Variants in SLC6A16 observed in about 807,000 individuals in gnomAD.
The protein encoded by SLC6A16 is orphan sodium- and chloride-dependent neurotransmitter transporter NTT5.
A neutral mutation model predicts 65.4 loss-of-function variants in SLC6A16; 54 were observed. That is an observed-to-expected ratio of 0.83 (90% CI 0.66 to 1.04). The LOEUF (loss-of-function observed/expected upper bound fraction) is 1.04, where lower values mean the gene tolerates loss of function less well. Among genes scored for constraint, SLC6A16 ranks in the 50% least tolerant of loss-of-function variants. The pLI is 0.00. For synonymous variants in SLC6A16, 330 were observed against 346.5 expected, an observed-to-expected ratio of 0.95 and a Z score of 0.53; for missense variants, 816 against 914.0, an observed-to-expected ratio of 0.89 and a Z score of 1.38.
the SLC6A16 span, chr19:49,337,103 G>T: frequency 6.2e-7 from 1 of 1,613,924 alleles, no homozygotes; most frequent in African/African-American, 1.3e-5. Flanking sequence ...CCTGGGCCGG[G>T]GTTGCAGGGG....
At chr19:49,339,520 C>T in the SLC6A16 span, 1 of 1,477,330 alleles carries the variant, frequency 6.8e-7, no homozygotes, top group South Asian at 1.2e-5. The surrounding 1 kb of genome is among the most constrained non-coding windows in gnomAD (Gnocchi z 4.5). Context: ...CAGGGCGGAG[C>T]GCAGCCCACC....
intron 7 of SLC6A16, among the ~76,000 whole-genome samples, chr19:49,300,610 A>C (rs1970270510): frequency 6.6e-6 from 1 of 152,200 alleles, no homozygotes; most frequent in Admixed American, 6.5e-5. Context: ...AGGCAAGAAA[A>C]GAGAAAAAAC....
chr19:49,337,124 G>T, the SLC6A16 span: 30 of 1,614,008 alleles, frequency 1.9e-5, no homozygotes, highest in African/African-American at 3.9e-4. Context: ...TGGTCAGCCT[G>T]ATCTCTCCAC....
At chr19:49,335,773 C>T in the SLC6A16 span, 4 of 1,585,758 alleles carry the variant, frequency 2.5e-6, no homozygotes, top group South Asian at 1.1e-5. This position sits in a 1 kb window ranked among gnomAD's most constrained non-coding sequence, Gnocchi z 4.6. Context: ...AGACCAGCTT[C>T]GTGTCCTTTG....
intron 8 of SLC6A16, 50 bp from the exon 9 acceptor site, chr19:49,294,078 CA>C (rs771904373): frequency 6.1e-6 from 9 of 1,469,972 alleles, no homozygotes; most frequent in Non-Finnish European, 7.5e-6. Context: ...TAAACAATAA[CA>C]AAAAAATATA....
chr19:49,323,500 G>A (rs1033754862), intron 1 of SLC6A16, among the ~76,000 whole-genome samples: 1 of 152,002 alleles, frequency 6.6e-6, no homozygotes, highest in African/African-American at 2.4e-5. Flanking sequence ...TAGAGAACTC[G>A]TAAAACTCAA....
chr19:49,306,835 C>T (rs1225371887), intron 7 of SLC6A16, among the ~76,000 whole-genome samples: 4 of 152,064 alleles, frequency 2.6e-5, no homozygotes, highest in Middle Eastern at 3.2e-3. Context: ...AGCCACCGCA[C>T]CCGGCTTGTT....
intron 1 of SLC6A16, among the ~76,000 whole-genome samples, chr19:49,312,893 T>A (rs1970547734): frequency 6.6e-6 from 1 of 151,936 alleles, no homozygotes; most frequent in Non-Finnish European, 1.5e-5. Flanking sequence ...AAAAATGCAA[T>A]GAAAGGCTGA....
the SLC6A16 span, chr19:49,338,195 C>G: frequency 7.0e-7 from 1 of 1,435,516 alleles, no homozygotes; most frequent in South Asian, 1.5e-5. This position sits in a 1 kb window ranked among gnomAD's most constrained non-coding sequence, Gnocchi z 5.0. Context: ...CAACTGTCCC[C>G]GGCGTCGCCT....
chr19:49,339,392 C>T, the SLC6A16 span: 3 of 1,613,980 alleles, frequency 1.9e-6, no homozygotes, highest in Non-Finnish European at 8.5e-7. The surrounding 1 kb of genome is among the most constrained non-coding windows in gnomAD (Gnocchi z 4.5). Flanking sequence ...TGGGCATTTG[C>T]CTGGGCGTCG....
At chr19:49,337,114 T>C in the SLC6A16 span, 1 of 1,613,814 alleles carries the variant, frequency 6.2e-7, no homozygotes, top group Non-Finnish European at 8.5e-7. Flanking sequence ...GTTGCAGGGG[T>C]GGTCAGCCTG....
chr19:49,309,475 G>T, intron 5 of SLC6A16, 64 bp from the exon 6 acceptor site: 1 of 1,384,910 alleles, frequency 7.2e-7, no homozygotes, highest in Non-Finnish European at 1.0e-6. Context: ...CAGTTAGGAG[G>T]GATCAAAAGT....
intron 7 of SLC6A16, 71 bp downstream of exon 7, chr19:49,308,805 C>T (rs1600634478): frequency 1.9e-6 from 3 of 1,590,902 alleles, no homozygotes; most frequent in Non-Finnish European, 2.6e-6. Context: ...TTTGCAGCAC[C>T]TTTAAGGTTA....
intron 1 of SLC6A16, among the ~76,000 whole-genome samples, chr19:49,311,948 CTTTT>C (rs576514117): frequency 4.2e-5 from 6 of 142,710 alleles, no homozygotes; most frequent in African/African-American, 1.5e-4. Flanking sequence ...CAAAGGATTT[CTTTT>C]TTTTTTTTCC....
At chr19:49,330,979 A>C in the SLC6A16 span, among the ~76,000 whole-genome samples, 1 of 151,596 alleles carries the variant, frequency 6.6e-6, no homozygotes, top group Non-Finnish European at 1.5e-5. Flanking sequence ...GCCCGCCCCC[A>C]GAGTTTCTGA....
At chr19:49,333,599 G>A in the SLC6A16 span, among the ~76,000 whole-genome samples, 1 of 152,196 alleles carries the variant, frequency 6.6e-6, no homozygotes, top group Non-Finnish European at 1.5e-5. Context: ...ACAGACTGGA[G>A]GGAGAAACTA....
rs1970106471 is a variant in SLC6A16, at chr19:49,292,992, T to C, written c.1778+231A>G. 6.6e-6 allele frequency among the ~76,000 whole-genome samples: 1 copy of C among 152,196 alleles called. No homozygotes were observed. The highest frequency in any genetic ancestry group is 6.5e-5 in the Admixed American group (1 of 15,276). On this transcript the variant is annotated intron_variant, in intron 10 of 11. Coordinates refer to ENST00000335875, the MANE Select transcript of SLC6A16 (RefSeq NM_014037.3). The surrounding 1 kb of genome is among the most constrained non-coding windows in gnomAD (Gnocchi z 4.3). ...AATGTAAGCTTTCTGAGAATAGGAA[T>C]ACTTCTTTTATTCAATGCCCCTATC...
chr19:49,335,647 C>T, the SLC6A16 span: 1 of 1,610,658 alleles, frequency 6.2e-7, no homozygotes, highest in African/African-American at 1.3e-5. This position sits in a 1 kb window ranked among gnomAD's most constrained non-coding sequence, Gnocchi z 4.6. Flanking sequence ...GGGCCCAGCC[C>T]CTGCCGCTAA....
Position 49,293,966 on chromosome 19 carries a change from C to T in SLC6A16, c.1479G>A (p.Pro493=), listed in dbSNP as rs767032000. Residue 493 remains proline (P), a synonymous_variant, in exon 9 of 12, where the codon CCG becomes CCA. Coordinates refer to ENST00000335875, the MANE Select transcript of SLC6A16 (RefSeq NM_014037.3). ...SFVEAMSFLP[P]SVFWSFIFFL... is the part of the protein sequence containing the mutation. Reference sequence around the variant, plus strand: ...AGAAGATAAAAGACCAGAAGACAGACGGAGGAAGGAAGGACATGGCTTCAA... The same window carrying T: ...AGAAGATAAAAGACCAGAAGACAGATGGAGGAAGGAAGGACATGGCTTCAA... 2.4e-5 allele frequency: 38 copies of T among 1,613,580 alleles called. No individual in the cohort carries two copies. The highest frequency in any genetic ancestry group is 1.1e-4 in the East Asian group (5 of 44,890).
Sources: allele counts gnomAD v4.1 joint callset (sites outside exome capture counted in the v4.1 genomes callset), GRCh38; gene constraint gnomAD v4.1.1; non-coding constraint Gnocchi (gnomAD v3.1); transcripts MANE v1.5; gene names NCBI Gene and HGNC (gene_info 2026-07-23, HGNC 2026-07-21).